LGALS3: variants seen among roughly 807,000 people sequenced by gnomAD.
The protein encoded by LGALS3 is galectin-3.
In LGALS3, 18 loss-of-function variants were observed where a neutral mutation model predicts 20.7. The ratio of observed to expected loss-of-function variants is 0.87; its 90% CI spans 0.60 to 1.29. The LOEUF (loss-of-function observed/expected upper bound fraction) is 1.29. Ranked by LOEUF, LGALS3 falls within the 50% of genes most tolerant of loss-of-function variation. The pLI, the probability that LGALS3 is intolerant of heterozygous loss-of-function variation, is 0.00. For synonymous variants in LGALS3, 112 were observed against 119.6 expected, an observed-to-expected ratio of 0.94 and a Z score of 0.42; for missense variants, 315 against 314.7, an observed-to-expected ratio of 1.00 and a Z score of -0.01.
At chr14:55,135,560 G>GGTTTTTTT (rs1555380241) in intron 1 of LGALS3, among the ~76,000 whole-genome samples, 3 of 106,562 alleles carry the variant, frequency 2.8e-5, no homozygotes, top group African/African-American at 4.2e-5. Flanking sequence ...ATATTTTATG[G>GGTTTTTTT]TTTTTTTTTT....
chr14:55,129,662 G>A lies in LGALS3; in HGVS notation c.-5+362G>A, dbSNP rs371700034. Among the ~76,000 whole-genome samples, 7 of 152,312 alleles carry A rather than the reference G, an allele frequency of 4.6e-5. No individual in the cohort carries two copies. In the East Asian group the frequency reaches 1.4e-3, roughly 29 times the overall value. On this transcript the variant is annotated intron_variant, in intron 1 of 5. Transcript: ENST00000254301. This position sits in a 1 kb window ranked among gnomAD's most constrained non-coding sequence, Gnocchi z 5.3. ...GCGGCCCCAGAGTAAGCCCCATCCG[G>A]TGACGAGCCGCAGTCTGGTCACCCC...
In LGALS3 at chr14:55,137,216, C is replaced by A; in HGVS notation, c.-4-154C>A. 4 of 780,212 alleles carry A rather than the reference C, an allele frequency of 5.1e-6. No individual in the cohort carries two copies. The East Asian group carries it at 9.8e-5, about 19-fold the overall frequency. 48.3% of individuals were successfully genotyped at this position (780,212 alleles called of 1,614,324 possible). A position where few individuals can be genotyped will look rare whatever the true frequency, so the allele number is the denominator to read the frequency against. On this transcript the variant is annotated intron_variant, in intron 1 of 5. Transcript: ENST00000254301. Reference sequence around the variant, plus strand: ...CAATCTAGCTGGATAGCATCCCTGCCCCTTGAAGAGATGTTTTTGTGGCGC... The same window carrying A: ...CAATCTAGCTGGATAGCATCCCTGCACCTTGAAGAGATGTTTTTGTGGCGC...
chr14:55,136,611 A>C (rs1198052679), intron 1 of LGALS3, among the ~76,000 whole-genome samples: 1 of 152,196 alleles, frequency 6.6e-6, no homozygotes, highest in Non-Finnish European at 1.5e-5. Flanking sequence ...ATGCCTAATA[A>C]TCACATCATG....
chr14:55,137,574 A>T, intron 2 of LGALS3, 183 bp downstream of exon 2: 1 of 1,506,124 alleles, frequency 6.6e-7, no homozygotes, highest in Non-Finnish European at 8.8e-7. Flanking sequence ...TTGGGAAGAA[A>T]GCCAGGCAGA....
chr14:55,144,730 A>G (rs1881754039), intron 5 of LGALS3, among the ~76,000 whole-genome samples: 1 of 152,046 alleles, frequency 6.6e-6, no homozygotes, highest in Admixed American at 6.6e-5. Context: ...ACAATCAGCT[A>G]ATTTTTTGTA....
In LGALS3 at chr14:55,140,314, C is replaced by T. The variant is rs1323847497; in HGVS notation, c.382C>T (p.Pro128Ser). The T allele has an allele frequency of 6.2e-7, 1 of 1,613,674 alleles. No individual in the cohort carries two copies. Among genetic ancestry groups the T allele is most frequent in the East Asian group, 2.2e-5 (1 of 44,884 alleles). Reference protein sequence around the residue: ...YNLPLPGGVVPRMLITILGTV... With the variant: ...YNLPLPGGVVSRMLITILGTV... The stretch of plus-strand genomic sequence containing the variant: ...CCTGCCTTTGCCTGGGGGAGTGGTG[C>T]CTCGCATGCTGATAACAATTCTGGG... The change falls in exon 4 of 6, where the codon CCT becomes TCT. Residue 128 changes from proline (P) to serine (S), a missense_variant. Transcript: ENST00000254301.
Position 55,145,342 on chromosome 14 carries a change from T to C in LGALS3, c.*71T>C. 6.3e-7 allele frequency: 1 copy of C among 1,599,526 alleles called. No individual in the cohort carries two copies. Among genetic ancestry groups the C allele is most frequent in the Non-Finnish European group, 8.5e-7 (1 of 1,174,938 alleles). On this transcript the variant is annotated 3_prime_UTR_variant, in exon 6 of 6. Coordinates refer to ENST00000254301, the MANE Select transcript of LGALS3 (RefSeq NM_002306.4). ...ATGTGTAAAGGTTTCATGTTCACTGTGAGTGAAAATTTTTACATTCATCAA... is the reference window on the plus strand; with the variant it reads ...ATGTGTAAAGGTTTCATGTTCACTGCGAGTGAAAATTTTTACATTCATCAA...
At chr14:55,131,563 T>C (rs977602677) in intron 1 of LGALS3, among the ~76,000 whole-genome samples, 2 of 152,222 alleles carry the variant, frequency 1.3e-5, no homozygotes, top group African/African-American at 4.8e-5. Flanking sequence ...ACATAGCTCT[T>C]CTTTCCTGTG....
At position 55,142,647 on chromosome 14, in the gene LGALS3, GA is replaced by G. The variant is rs1881664913; in HGVS notation, c.497del (p.Asn166ThrfsTer48). The G allele has an allele frequency of 6.2e-7, 1 of 1,612,930 alleles. No homozygotes were observed. ...TCCACTTTAACCCACGCTTCAATGA[GA>G]ACAACAGGAGAGTCATTGTTTGCAA... ...AFHFNPRFNE[N>X]NRRVIVCNTK... On this transcript the variant is annotated frameshift_variant, in exon 5 of 6. Coordinates refer to ENST00000254301, the MANE Select transcript of LGALS3 (RefSeq NM_002306.4). LOFTEE classifies it high-confidence loss of function.
chr14:55,131,214 G>A (rs868682240), intron 1 of LGALS3, among the ~76,000 whole-genome samples: 6 of 152,154 alleles, frequency 3.9e-5, no homozygotes, highest in Middle Eastern at 6.3e-3. Flanking sequence ...AGAAGAGGAC[G>A]AGTACCGCCT....
chr14:55,143,481 G>T (rs748139912), intron 5 of LGALS3: 7 of 341,910 alleles, frequency 2.0e-5, no homozygotes, highest in South Asian at 1.3e-4. Context: ...GAGTACAGTG[G>T]CACGATCTTG....
chr14:55,130,223 TA>T (rs1881185546), intron 1 of LGALS3, among the ~76,000 whole-genome samples: 2 of 152,132 alleles, frequency 1.3e-5, no homozygotes, highest in Admixed American at 6.5e-5. Flanking sequence ...ATAGAAACAC[TA>T]AAACGATTGC....
Position 55,145,140 on chromosome 14 carries a change from C to T in LGALS3, c.622C>T (p.His208Tyr), listed in dbSNP as rs777211329. 1.2e-6 allele frequency: 2 copies of T among 1,613,652 alleles called. No homozygotes were observed. The highest frequency in any genetic ancestry group is 2.2e-5 in the East Asian group (1 of 44,860). ...FKIQVLVEPD[H>Y]FKVAVNDAHL... ...GATACAAGTACTGGTTGAACCTGAC[C>T]ACTTCAAGGTTGCAGTGAATGATGC... is the stretch of plus-strand genomic sequence containing the variant. Residue 208 changes from histidine to tyrosine, a missense_variant, in exon 6 of 6, where the codon CAC becomes TAC. Physicochemically the swap from His to Tyr is moderately conservative, Grantham distance 83. Transcript: ENST00000254301.
intron 1 of LGALS3, among the ~76,000 whole-genome samples, chr14:55,135,365 AG>A (rs1296866797): frequency 2.6e-5 from 4 of 152,106 alleles, no homozygotes; most frequent in African/African-American, 4.8e-5. Flanking sequence ...TCTTCAGATT[AG>A]GGATGCTTAA....
At chr14:55,135,560 G>GTTTTTTTTTTTTT (rs762172869) in intron 1 of LGALS3, among the ~76,000 whole-genome samples, 1 of 106,560 alleles carries the variant, frequency 9.4e-6, no homozygotes, top group African/African-American at 4.2e-5. Context: ...ATATTTTATG[G>GTTTTTTTTTTTTT]TTTTTTTTTT....
intron 4 of LGALS3, among the ~76,000 whole-genome samples, 172 bp from the exon 5 acceptor site, chr14:55,142,412 C>T (rs1269693221): frequency 6.6e-6 from 1 of 152,172 alleles, no homozygotes; most frequent in Admixed American, 6.5e-5. Flanking sequence ...GAATATCAGG[C>T]ATAGGATATT....
chr14:55,130,920 A>C (rs1881216017), intron 1 of LGALS3, among the ~76,000 whole-genome samples: 1 of 152,356 alleles, frequency 6.6e-6, no homozygotes, highest in Non-Finnish European at 1.5e-5. Context: ...GTGTGTTTCC[A>C]TAAAAGGTAA....
In LGALS3 at chr14:55,145,142, C is replaced by T; in HGVS notation, c.624C>T (p.His208=). 3 of 1,614,018 alleles carry T rather than the reference C, an allele frequency of 1.9e-6. No homozygotes were observed. The highest frequency in any genetic ancestry group is 2.5e-6 in the Non-Finnish European group (3 of 1,179,948). The change falls in exon 6 of 6, where the codon CAC becomes CAT. Residue 208 remains histidine (H), a synonymous_variant. Coordinates refer to ENST00000254301, the MANE Select transcript of LGALS3 (RefSeq NM_002306.4). Reference sequence around the variant, plus strand: ...TACAAGTACTGGTTGAACCTGACCACTTCAAGGTTGCAGTGAATGATGCTC... The same window carrying T: ...TACAAGTACTGGTTGAACCTGACCATTTCAAGGTTGCAGTGAATGATGCTC... The part of the protein sequence containing the change: ...FKIQVLVEPD[H]FKVAVNDAHL...
chr14:55,136,725 T>C (rs961155515), intron 1 of LGALS3, among the ~76,000 whole-genome samples: 2 of 152,230 alleles, frequency 1.3e-5, no homozygotes, highest in African/African-American at 4.8e-5. Context: ...ATAGTCACCC[T>C]GCTGTGCTGT....
Sources: gnomAD v4.1 joint callset for allele counts (sites outside exome capture counted in the v4.1 genomes callset) on GRCh38, gnomAD v4.1.1 for gene constraint, Gnocchi (gnomAD v3.1) non-coding constraint, MANE v1.5 for transcripts, NCBI Gene and HGNC (gene_info 2026-07-23, HGNC 2026-07-21) for gene names.